Variants in NEDD4L observed in about 807,000 individuals in gnomAD.
The protein encoded by NEDD4L is NEDD4 like E3 ubiquitin protein ligase, also known as E3 ubiquitin-protein ligase NEDD4-like.
A neutral mutation model predicts 148.9 loss-of-function variants in NEDD4L; 54 were observed. That is an observed-to-expected ratio of 0.36 (90% CI 0.29 to 0.45). The LOEUF is 0.45. Among genes scored for constraint, NEDD4L ranks in the 20% least tolerant of loss-of-function variants. NEDD4L has a pLI of 1.00. For missense variants in NEDD4L, 856 were observed against 1,233.8 expected, an observed-to-expected ratio of 0.69 and a Z score of 4.59; for synonymous variants, 433 against 440.7, an observed-to-expected ratio of 0.98 and a Z score of 0.22.
At chr18:58,191,567 C>T (rs1439846536) in intron 2 of NEDD4L, among the ~76,000 whole-genome samples, 3 of 152,146 alleles carry the variant, frequency 2.0e-5, no homozygotes, top group Non-Finnish European at 4.4e-5. Context: ...AAAACATTGG[C>T]CTTGGTATGT....
chr18:58,357,111 ATACT>A, intron 18 of NEDD4L, 79 bp from the exon 19 acceptor site: 1 of 1,275,276 alleles, frequency 7.8e-7, no homozygotes, highest in Non-Finnish European at 1.1e-6. Flanking sequence ...GAATCCAGAA[ATACT>A]TCCTTCCAAA....
chr18:58,182,656 A>G (rs2038991010), intron 2 of NEDD4L, among the ~76,000 whole-genome samples: 1 of 151,158 alleles, frequency 6.6e-6, no homozygotes, highest in Non-Finnish European at 1.5e-5. Context: ...TAATTTTTGT[A>G]TTTTTAGTAG....
chr18:58,155,883 A>G (rs1158820819), intron 1 of NEDD4L, among the ~76,000 whole-genome samples: 3 of 152,184 alleles, frequency 2.0e-5, no homozygotes, highest in Non-Finnish European at 4.4e-5. Flanking sequence ...TGTCACCCTC[A>G]GGATCTACTG....
At chr18:58,390,583 A>G (rs1448938742) in intron 28 of NEDD4L, 63 bp from the exon 29 acceptor site, 15 of 1,010,692 alleles carry the variant, frequency 1.5e-5, no homozygotes, top group Non-Finnish European at 1.8e-5. Flanking sequence ...GCCTGCCTGC[A>G]TGACAGCAGC....
At chr18:58,348,334 T>TC (rs2043390930) in intron 16 of NEDD4L, among the ~76,000 whole-genome samples, 1 of 132,470 alleles carries the variant, frequency 7.5e-6, no homozygotes, top group African/African-American at 3.0e-5. Flanking sequence ...TTCTTTTTTT[T>TC]TTTTTTTTTT....
intron 25 of NEDD4L, among the ~76,000 whole-genome samples, chr18:58,385,007 T>C (rs2048820618): frequency 6.6e-6 from 1 of 152,364 alleles, no homozygotes; most frequent in Admixed American, 6.5e-5. Context: ...GTGCAAATCA[T>C]TTTGCTGATA....
chr18:58,376,410 G>C (rs1371746423), intron 24 of NEDD4L, among the ~76,000 whole-genome samples: 2 of 152,184 alleles, frequency 1.3e-5, no homozygotes, highest in African/African-American at 4.8e-5. Context: ...TTGAATTACT[G>C]CCTTGCCTTT....
At chr18:58,184,115 C>G (rs961049019) in intron 2 of NEDD4L, among the ~76,000 whole-genome samples, 6 of 152,002 alleles carry the variant, frequency 3.9e-5, no homozygotes, top group East Asian at 1.9e-4. Context: ...GTTGCAGTGA[C>G]CCGAGATCGC....
intron 9 of NEDD4L, among the ~76,000 whole-genome samples, chr18:58,328,011 A>G (rs1415732520): frequency 6.7e-6 from 1 of 149,654 alleles, no homozygotes; most frequent in Non-Finnish European, 1.5e-5. Context: ...TGCCCTGGCT[A>G]GAGTACAGTG....
At chr18:58,225,868 G>T (rs1427465430) in intron 2 of NEDD4L, among the ~76,000 whole-genome samples, 2 of 152,114 alleles carry the variant, frequency 1.3e-5, no homozygotes, top group African/African-American at 2.4e-5. Flanking sequence ...TCAGGGTAAG[G>T]CCATCACAAT....
chr18:58,163,701 A>G (rs2036504754), intron 1 of NEDD4L, among the ~76,000 whole-genome samples: 2 of 152,188 alleles, frequency 1.3e-5, no homozygotes, highest in African/African-American at 4.8e-5. Flanking sequence ...TTATGAGGAC[A>G]CTGTGCTTGC....
At chr18:58,249,809 A>G (rs2047681392) in intron 4 of NEDD4L, among the ~76,000 whole-genome samples, 1 of 152,222 alleles carries the variant, frequency 6.6e-6, no homozygotes, top group African/African-American at 2.4e-5. Flanking sequence ...GCTACTACAT[A>G]CAGCATCTGC....
intron 19 of NEDD4L, among the ~76,000 whole-genome samples, chr18:58,361,497 G>A (rs998177037): frequency 2.0e-5 from 3 of 152,208 alleles, no homozygotes; most frequent in Non-Finnish European, 4.4e-5. Flanking sequence ...CCCTCAGAAA[G>A]GCAGGGCAAA....
At chr18:58,341,907 T>G in intron 15 of NEDD4L, 110 bp downstream of exon 15, 72 of 1,227,956 alleles carry the variant, frequency 5.9e-5, no homozygotes, top group Middle Eastern at 2.6e-4. Flanking sequence ...CTCTGATCAG[T>G]CGTTGTGTTG....
Position 58,391,570 on chromosome 18 carries a change from A to G in NEDD4L, c.2825+11A>G. 1 of 1,553,520 alleles carries G rather than the reference A, an allele frequency of 6.4e-7. No homozygotes were observed. Among genetic ancestry groups the G allele is most frequent in the Non-Finnish European group, 8.7e-7 (1 of 1,144,118 alleles). On this transcript the variant is annotated intron_variant, in intron 30 of 30. Transcript: ENST00000400345. ...CAGAGCTCACACATGGTGAGTGACA[A>G]AAACACATGCATGTCAATGCAATAT... is the stretch of plus-strand genomic sequence containing the variant.
chr18:58,285,965 T>C (rs888618639), intron 5 of NEDD4L, among the ~76,000 whole-genome samples: 1 of 152,202 alleles, frequency 6.6e-6, no homozygotes, highest in African/African-American at 2.4e-5. Flanking sequence ...ATGAAAAGAA[T>C]TTAACCTCTT....
chr18:58,377,738 G>GGTTGGTTTGTTT (rs1555859576), intron 24 of NEDD4L, among the ~76,000 whole-genome samples: 24 of 151,508 alleles, frequency 1.6e-4, no homozygotes, highest in Admixed American at 8.5e-4. Context: ...TTTGGTTATG[G>GGTTGGTTTGTTT]GTTTGTTTGT....
chr18:58,323,529 A>C (rs1382232797), intron 8 of NEDD4L, among the ~76,000 whole-genome samples, 195 bp downstream of exon 8: 2 of 152,204 alleles, frequency 1.3e-5, no homozygotes, highest in Non-Finnish European at 2.9e-5. Flanking sequence ...TTTATGTTAC[A>C]ACACCAATCC....
At chr18:58,310,149 GC>G (rs2057520232) in intron 5 of NEDD4L, among the ~76,000 whole-genome samples, 1 of 152,216 alleles carries the variant, frequency 6.6e-6, no homozygotes, top group Admixed American at 6.5e-5. Context: ...GGTACAGCCA[GC>G]AGGGTTGAGT....
Sources: allele counts gnomAD v4.1 joint callset (sites outside exome capture counted in the v4.1 genomes callset), GRCh38; gene constraint gnomAD v4.1.1; transcripts MANE v1.5; gene names NCBI Gene and HGNC (gene_info 2026-07-23, HGNC 2026-07-21).